Variants in DENND1A observed in about 807,000 individuals in gnomAD.
DENND1A encodes the protein DENN domain containing 1A, also known as DENN domain-containing protein 1A.
In DENND1A, 51 loss-of-function variants were observed where a neutral mutation model predicts 113.7. That is an observed-to-expected ratio of 0.45 (90% CI 0.36 to 0.57). The LOEUF is 0.57. DENND1A is among the 20% of genes least tolerant of loss of function. The pLI is 0.00. For synonymous variants in DENND1A, 565 were observed against 570.8 expected (o/e 0.99, Z 0.14); for missense variants, 1,258 against 1,395.9 (o/e 0.90, Z 1.57).
At chr9:123,681,627 C>T (rs1363364167) in intron 5 of DENND1A, among the ~76,000 whole-genome samples, 5 of 152,014 alleles carry the variant, frequency 3.3e-5, no homozygotes, top group African/African-American at 4.8e-5. Context: ...ATGAACCCCA[C>T]GGTGTCAAAC....
At chr9:123,841,177 C>A (rs1251296667) in intron 2 of DENND1A, among the ~76,000 whole-genome samples, 2 of 152,186 alleles carry the variant, frequency 1.3e-5, no homozygotes, top group African/African-American at 4.8e-5. Context: ...AGAGACCCTA[C>A]CGTACACTTT....
At chr9:123,618,328 C>T (rs145362650) in intron 10 of DENND1A, among the ~76,000 whole-genome samples, 1 of 152,300 alleles carries the variant, frequency 6.6e-6, no homozygotes, top group East Asian at 1.9e-4. Flanking sequence ...CTATACTGTG[C>T]CCCAGAATGT....
At chr9:123,552,446 C>G (rs893837428) in intron 13 of DENND1A, among the ~76,000 whole-genome samples, 3 of 152,238 alleles carry the variant, frequency 2.0e-5, no homozygotes, top group Admixed American at 6.5e-5. Flanking sequence ...GCAGAGCAGA[C>G]AGGAGCCCGC....
chr9:123,608,337 G>A (rs1022778859), intron 11 of DENND1A, among the ~76,000 whole-genome samples: 3 of 152,090 alleles, frequency 2.0e-5, no homozygotes, highest in African/African-American at 4.8e-5. Context: ...GGTGGTCCTC[G>A]TCGACGTGAA....
chr9:123,733,667 G>GTTTT (rs772573172), intron 5 of DENND1A, among the ~76,000 whole-genome samples: 1 of 137,214 alleles, frequency 7.3e-6, no homozygotes, highest in African/African-American at 3.0e-5. Context: ...ATTCTTGTTG[G>GTTTT]TTATTTTTTT....
At chr9:123,542,525 C>G (rs2056363598) in intron 13 of DENND1A, among the ~76,000 whole-genome samples, 1 of 152,128 alleles carries the variant, frequency 6.6e-6, no homozygotes, top group South Asian at 2.1e-4. Context: ...TCAGACTCAC[C>G]CCACTTTTCT....
At chr9:123,440,279 G>C in intron 19 of DENND1A, 81 bp downstream of exon 19, 1 of 1,449,976 alleles carries the variant, frequency 6.9e-7, no homozygotes, top group Non-Finnish European at 9.1e-7. Context: ...ATGAAAAACC[G>C]TCTGCTGCAT....
chr9:123,836,804 G>C (rs1245989813), intron 2 of DENND1A, among the ~76,000 whole-genome samples: 1 of 151,940 alleles, frequency 6.6e-6, no homozygotes, highest in African/African-American at 2.4e-5. Flanking sequence ...AAATTTCCCA[G>C]ACTTTTTCAA....
In DENND1A at chr9:123,897,114, C is replaced by G. The variant is rs1237049658; in HGVS notation, c.18-18093G>C. Among the ~76,000 whole-genome samples the G allele has an allele frequency of 2.0e-5, 3 of 152,192 alleles. No homozygotes were observed. In the East Asian group the frequency reaches 5.8e-4, roughly 29 times the overall value. ...GGCTCCCAGTAACAGGCACACTCCA[C>G]CCTGTCTCTCCACAACGAGAAAATA... On this transcript the variant is annotated intron_variant, in intron 1 of 23. Transcript: ENST00000394215.
rs766471139 is a variant in DENND1A, at chr9:123,382,493, G to A, written c.2152C>T (p.Pro718Ser). The A allele has an allele frequency of 1.2e-6, 2 of 1,613,996 alleles. No homozygotes were observed. The highest frequency in any genetic ancestry group is 1.7e-6 in the Non-Finnish European group (2 of 1,179,940). ...CCGAGCAGGGCTGAGGGCTTCTCAG[G>A]GGAGGCAGCTGGGGGCTTGCTGGGG... is the stretch of plus-strand genomic sequence containing the variant. ...AIPSKPPAASPEKPSALLGNS... is the reference protein window; with the variant it reads ...AIPSKPPAASSEKPSALLGNS... Residue 718 changes from proline to serine, a missense_variant, in exon 24 of 24, where the codon CCT becomes TCT. By Grantham distance (74) the Pro-to-Ser change is moderately conservative. Transcript: ENST00000394215.
intron 13 of DENND1A, among the ~76,000 whole-genome samples, chr9:123,517,012 T>C (rs2053986977): frequency 6.6e-6 from 1 of 151,154 alleles, no homozygotes; most frequent in Non-Finnish European, 1.5e-5. Context: ...AGAACTGGAA[T>C]TGCTGGGAAT....
At chr9:123,832,640 G>T (rs1475226421) in intron 2 of DENND1A, among the ~76,000 whole-genome samples, 1 of 152,280 alleles carries the variant, frequency 6.6e-6, no homozygotes, top group Middle Eastern at 3.4e-3. Flanking sequence ...AGAATGGATC[G>T]ATTGTGGCAT....
chr9:123,741,025 T>A (rs1466132871), intron 5 of DENND1A, among the ~76,000 whole-genome samples: 2 of 151,886 alleles, frequency 1.3e-5, no homozygotes, highest in Non-Finnish European at 2.9e-5. Context: ...TAGAATCTAC[T>A]AGGGGTCAGC....
chr9:123,793,611 A>C (rs1421181924), intron 2 of DENND1A, among the ~76,000 whole-genome samples: 1 of 152,160 alleles, frequency 6.6e-6, no homozygotes, highest in Non-Finnish European at 1.5e-5. Flanking sequence ...TATGCTACCC[A>C]TGGCTACCTT....
intron 5 of DENND1A, among the ~76,000 whole-genome samples, chr9:123,692,590 G>A (rs2065254757): frequency 6.6e-6 from 1 of 152,172 alleles, no homozygotes; most frequent in South Asian, 2.1e-4. Context: ...CTGACTGAAG[G>A]AACAGCGTAT....
At chr9:123,899,501 T>C (rs182175458) in intron 1 of DENND1A, among the ~76,000 whole-genome samples, 1 of 152,194 alleles carries the variant, frequency 6.6e-6, no homozygotes, top group Non-Finnish European at 1.5e-5. Context: ...AATAAGGTAA[T>C]ATAATTTTAA....
Position 123,613,341 on chromosome 9 carries a change from TA to T in DENND1A, c.720-3861del, listed in dbSNP as rs959480157. The stretch of plus-strand genomic sequence containing the variant: ...AGCAAAATAAATTGGGTAAGCTATT[TA>T]AAAAAAAAAAACTTCTTCATATTCA... On this transcript the variant is annotated intron_variant, in intron 10 of 23. Coordinates refer to ENST00000394215, the MANE Select transcript of DENND1A (RefSeq NM_001352964.2). 3.2e-3 allele frequency among the ~76,000 whole-genome samples: 460 copies of T among 145,986 alleles called. 4 individuals are homozygous for T. Among genetic ancestry groups the T allele is most frequent in the African/African-American group, 8.1e-3 (323 of 40,092 alleles).
intron 2 of DENND1A, 99 bp downstream of exon 2, chr9:123,878,852 G>T: frequency 1.6e-6 from 2 of 1,224,208 alleles, no homozygotes; most frequent in South Asian, 1.3e-5. Context: ...CATACTTAAA[G>T]ACAAATAACA....
At chr9:123,799,280 C>A (rs1455209137) in intron 2 of DENND1A, among the ~76,000 whole-genome samples, 1 of 152,128 alleles carries the variant, frequency 6.6e-6, no homozygotes, top group Non-Finnish European at 1.5e-5. Context: ...TAGAGACTAT[C>A]AAATCAATTT....
Sources: gnomAD v4.1 joint callset for allele counts (sites outside exome capture counted in the v4.1 genomes callset) on GRCh38, gnomAD v4.1.1 for gene constraint, MANE v1.5 for transcripts, NCBI Gene and HGNC (gene_info 2026-07-23, HGNC 2026-07-21) for gene names.